S1PR3: variants seen among roughly 807,000 people sequenced by gnomAD.
S1PR3 encodes the protein sphingosine 1-phosphate receptor 3.
A neutral mutation model predicts 13.3 loss-of-function variants in S1PR3; 12 were observed. The ratio of observed to expected loss-of-function variants is 0.90; its 90% CI spans 0.58 to 1.46. The LOEUF (loss-of-function observed/expected upper bound fraction) is 1.46, where lower values mean the gene tolerates loss of function less well. S1PR3 is among the 40% of genes most tolerant of loss of function. The pLI is 0.00. For synonymous variants in S1PR3, 232 were observed against 214.0 expected, an observed-to-expected ratio of 1.08 and a Z score of -0.73; for missense variants, 450 against 501.9, an observed-to-expected ratio of 0.90 and a Z score of 0.99.
intron 1 of S1PR3, chr9:88,992,985 A>G (rs1020304033): frequency 2.6e-5 from 4 of 152,646 alleles, no homozygotes; most frequent in Non-Finnish European, 5.9e-5. Flanking sequence ...AACACCAGAG[A>G]TACAAACTGA....
Position 89,002,164 on chromosome 9 carries a change from G to A in S1PR3, c.964G>A (p.Gly322Arg), listed in dbSNP as rs375591389. 43 of 1,613,904 alleles carry A rather than the reference G, an allele frequency of 2.7e-5. No individual in the cohort carries two copies. In the African/African-American group the frequency reaches 5.3e-4, roughly 20 times the overall value. ...CTGCAACTGCCTGGTCAGGGGACGG[G>A]GGGCCCGCGCCTCACCCATCCAGCC... Reference protein sequence around the residue: ...LVCNCLVRGRGARASPIQPAL... With the variant: ...LVCNCLVRGRRARASPIQPAL... Residue 322 changes from glycine to arginine, a missense_variant, in exon 2 of 2, where the codon GGG becomes AGG. Transcript: ENST00000358157.
In S1PR3 at chr9:89,001,665, C is replaced by A. The variant is rs772423351; in HGVS notation, c.465C>A (p.Phe155Leu). 15 of 1,614,120 alleles carry A rather than the reference C, an allele frequency of 9.3e-6. No homozygotes were observed. The highest frequency in any genetic ancestry group is 1.3e-5 in the African/African-American group (1 of 74,950). The change falls in exon 2 of 2, where the codon TTC becomes TTA. Residue 155 changes from phenylalanine to leucine, a missense_variant. Physicochemically the swap from Phe to Leu is conservative, Grantham distance 22 (BLOSUM62 0). Transcript: ENST00000358157. ...PYDANKRHRV[F>L]LLIGMCWLIA... ...ACGCCAACAAGAGGCACCGCGTCTT[C>A]CTCCTGATCGGGATGTGCTGGCTCA...
chr9:88,997,271 T>C (rs939874296), intron 1 of S1PR3: 3 of 152,340 alleles, frequency 2.0e-5, no homozygotes, highest in Middle Eastern at 3.4e-3. Flanking sequence ...GCAAATCTTA[T>C]ACTATGTTTA....
rs1013136231 is a variant in S1PR3 at position 88,991,578 on chromosome 9, G to A, written c.-265G>A. 4 of 1,544,596 alleles carry A rather than the reference G, an allele frequency of 2.6e-6. No individual in the cohort carries two copies. The highest frequency in any genetic ancestry group is 2.6e-6 in the Non-Finnish European group (3 of 1,145,218). On this transcript the variant is annotated 5_prime_UTR_variant, in exon 1 of 2. Coordinates refer to ENST00000358157, the MANE Select transcript of S1PR3 (RefSeq NM_005226.4). The surrounding 1 kb of genome is among the most constrained non-coding windows in gnomAD (Gnocchi z 4.0). The stretch of plus-strand genomic sequence containing the variant: ...CAGGCCCGGGAACGACGTCGCGAGC[G>A]CTGAGACTGCCGGGCCTCCCAGCCC...
rs1825708409 is a variant in S1PR3, at chr9:88,991,624, A to ACCGGGCGCCCCGGCACCG, written c.-215_-198dup. On this transcript the variant is annotated 5_prime_UTR_variant, in exon 1 of 2. Transcript: ENST00000358157. The surrounding 1 kb of genome is among the most constrained non-coding windows in gnomAD (Gnocchi z 4.0). ...AGCCCATCTGGCATTCGAGCGCAGG[A>ACCGGGCGCCCCGGCACCG]CCGGGCGCCCCGGCACCGCCGCGCG... 3.9e-6 allele frequency: 6 copies of ACCGGGCGCCCCGGCACCG among 1,536,160 alleles called. No homozygotes were observed. Among genetic ancestry groups the ACCGGGCGCCCCGGCACCG allele is most frequent in the Non-Finnish European group, 3.5e-6 (4 of 1,141,966 alleles).
rs1288916267 is a variant in S1PR3 at position 88,991,779 on chromosome 9, C to G, written c.-148+84C>G. 6.3e-7 allele frequency: 1 copy of G among 1,583,242 alleles called. No homozygotes were observed. The highest frequency in any genetic ancestry group is 8.6e-7 in the Non-Finnish European group (1 of 1,164,486). On this transcript the variant is annotated intron_variant, in intron 1 of 1. Coordinates refer to ENST00000358157, the MANE Select transcript of S1PR3 (RefSeq NM_005226.4). This position sits in a 1 kb window ranked among gnomAD's most constrained non-coding sequence, Gnocchi z 4.0. ...CCCACCTTTCCAACAAAATCCCCACCGATCCCGGGCGCGACGGGGACTTGG... is the reference window on the plus strand; with the variant it reads ...CCCACCTTTCCAACAAAATCCCCACGGATCCCGGGCGCGACGGGGACTTGG...
chr9:88,999,429 T>C (rs554713179), intron 1 of S1PR3: 4 of 152,180 alleles, frequency 2.6e-5, no homozygotes, highest in African/African-American at 4.8e-5. Flanking sequence ...CAGAAACCAT[T>C]TGGAGCCACC....
At position 89,003,149 on chromosome 9, in the gene S1PR3, T is replaced by A. The variant is rs1038432838; in HGVS notation, c.*812T>A. ...TCACCCAGGAGCTTGTGCCCCCAGATGGGCCAAAGAAAGAGCCTATGAAGG... is the reference window on the plus strand; with the variant it reads ...TCACCCAGGAGCTTGTGCCCCCAGAAGGGCCAAAGAAAGAGCCTATGAAGG... On this transcript the variant is annotated 3_prime_UTR_variant, in exon 2 of 2. Coordinates refer to ENST00000358157, the MANE Select transcript of S1PR3 (RefSeq NM_005226.4). 6.0e-6 allele frequency: 1 copy of A among 167,062 alleles called. No homozygotes were observed. Among genetic ancestry groups the A allele is most frequent in the Non-Finnish European group, 1.5e-5 (1 of 68,108 alleles). The allele number at this position is 167,062 out of a possible 1,614,324, so 10.3% of individuals were successfully genotyped here. A position where few individuals can be genotyped will look rare whatever the true frequency, so the allele number is the denominator to read the frequency against.
At position 89,002,183 on chromosome 9, in the gene S1PR3, T is replaced by A; in HGVS notation, c.983T>A (p.Ile328Asn). The change falls in exon 2 of 2, where the codon ATC becomes AAC. Residue 328 changes from isoleucine to asparagine, a missense_variant. Coordinates refer to ENST00000358157, the MANE Select transcript of S1PR3 (RefSeq NM_005226.4). Reference sequence around the variant, plus strand: ...GGACGGGGGGCCCGCGCCTCACCCATCCAGCCTGCGCTCGACCCAAGCAGA... The same window carrying A: ...GGACGGGGGGCCCGCGCCTCACCCAACCAGCCTGCGCTCGACCCAAGCAGA... ...VRGRGARASP[I>N]QPALDPSRSK... The A allele has an allele frequency of 6.2e-7, 1 of 1,613,890 alleles. No individual in the cohort carries two copies. The highest frequency in any genetic ancestry group is 8.5e-7 in the Non-Finnish European group (1 of 1,180,006).
intron 1 of S1PR3, chr9:88,993,267 T>G (rs1230075435): frequency 6.5e-6 from 1 of 152,672 alleles, no homozygotes; most frequent in African/African-American, 2.4e-5. Context: ...GGTATCTCTT[T>G]CATCTTCCTC....
rs1049806075 is a variant in S1PR3 at position 88,991,590 on chromosome 9, G to C, written c.-253G>C. Reference sequence around the variant, plus strand: ...CGACGTCGCGAGCGCTGAGACTGCCGGGCCTCCCAGCCCATCTGGCATTCG... The same window carrying C: ...CGACGTCGCGAGCGCTGAGACTGCCCGGCCTCCCAGCCCATCTGGCATTCG... On this transcript the variant is annotated 5_prime_UTR_variant, in exon 1 of 2. Coordinates refer to ENST00000358157, the MANE Select transcript of S1PR3 (RefSeq NM_005226.4). The surrounding 1 kb of genome is among the most constrained non-coding windows in gnomAD (Gnocchi z 4.0). 1.3e-6 allele frequency: 2 copies of C among 1,544,110 alleles called. No homozygotes were observed. The highest frequency in any genetic ancestry group is 1.7e-6 in the Non-Finnish European group (2 of 1,145,064).
At position 89,001,237 on chromosome 9, in the gene S1PR3, C is replaced by A. The variant is rs760132180; in HGVS notation, c.37C>A (p.Arg13=). The A allele has an allele frequency of 6.2e-7, 1 of 1,613,760 alleles. No homozygotes were observed. The highest frequency in any genetic ancestry group is 1.1e-5 in the South Asian group (1 of 91,068). Reference sequence around the variant, plus strand: ...CCTCCCGCCGCGTCTCCAGCCGGTGCGGGGGAACGAGACCCTGCGGGAGCA... The same window carrying A: ...CCTCCCGCCGCGTCTCCAGCCGGTGAGGGGGAACGAGACCCTGCGGGAGCA... The part of the protein sequence containing the change: ...TALPPRLQPV[R]GNETLREHYQ... Residue 13 remains arginine, a synonymous_variant, in exon 2 of 2, where the codon CGG becomes AGG. Transcript: ENST00000358157.
Position 89,003,828 on chromosome 9 carries a change from T to C in S1PR3, c.*1491T>C, listed in dbSNP as rs182025303. ...TAGTCTTAACACATTACTAACTTTT[T>C]CTAAGAGAAATTGATTCCTGTTTTG... On this transcript the variant is annotated 3_prime_UTR_variant, in exon 2 of 2. Transcript: ENST00000358157. The C allele has an allele frequency of 1.2e-5, 2 of 166,588 alleles. No homozygotes were observed. Among genetic ancestry groups the C allele is most frequent in the Admixed American group, 1.3e-4 (2 of 15,306 alleles). 10.3% of individuals were successfully genotyped at this position (166,588 alleles called of 1,614,324 possible). A position where few individuals can be genotyped will look rare whatever the true frequency, so the allele number is the denominator to read the frequency against.
rs1302028381 is a variant in S1PR3 at position 89,002,073 on chromosome 9, C to T, written c.873C>T (p.Ser291=). 12 of 1,613,746 alleles carry T rather than the reference C, an allele frequency of 7.4e-6. No individual in the cohort carries two copies. The highest frequency in any genetic ancestry group is 3.3e-4 in the Middle Eastern group (2 of 6,084). ...TCATCGTGTTGGCTGTGCTCAACTC[C>T]GCCATGAACCCGGTCATCTACACGC... ...QWFIVLAVLN[S]AMNPVIYTLA... Residue 291 remains serine (S), a synonymous_variant, in exon 2 of 2, where the codon TCC becomes TCT. Transcript: ENST00000358157.
At chr9:88,993,179 T>C (rs1345807695) in intron 1 of S1PR3, 1 of 152,670 alleles carries the variant, frequency 6.6e-6, no homozygotes, top group Admixed American at 6.5e-5. Context: ...CTTCACATAG[T>C]GGCCGAAGGA....
At position 89,001,918 on chromosome 9, in the gene S1PR3, G is replaced by A; in HGVS notation, c.718G>A (p.Ala240Thr). ...ANHNNSERSM[A>T]LLRTVVIVVS... ...CCACAACAACTCGGAGCGGTCCATGGCACTGCTGCGGACCGTGGTGATTGT... is the reference window on the plus strand; with the variant it reads ...CCACAACAACTCGGAGCGGTCCATGACACTGCTGCGGACCGTGGTGATTGT... The change falls in exon 2 of 2, where the codon GCA becomes ACA. Residue 240 changes from alanine (A) to threonine (T), a missense_variant. Transcript: ENST00000358157. The A allele has an allele frequency of 1.2e-6, 2 of 1,614,228 alleles. No individual in the cohort carries two copies. The highest frequency in any genetic ancestry group is 1.7e-6 in the Non-Finnish European group (2 of 1,180,040).
At chr9:88,990,995 A>C (rs1483214274), upstream of S1PR3, 1 of 1,613,120 alleles carries the variant, frequency 6.2e-7, no homozygotes, top group Non-Finnish European at 8.5e-7. Context: ...TTACAAAAGA[A>C]ATGGTCAGGA....
intron 1 of S1PR3, chr9:88,993,291 T>C (rs904523964): frequency 1.3e-5 from 2 of 152,646 alleles, no homozygotes; most frequent in African/African-American, 4.8e-5. Context: ...GCCTGTGCTG[T>C]ATGTATATTT....
chr9:89,001,923 G>A lies in S1PR3; in HGVS notation c.723G>A (p.Leu241=), dbSNP rs749870895. 3.1e-6 allele frequency: 5 copies of A among 1,614,108 alleles called. No homozygotes were observed. Among genetic ancestry groups the A allele is most frequent in the Middle Eastern group, 1.6e-4 (1 of 6,084 alleles). The change falls in exon 2 of 2, where the codon CTG becomes CTA. Residue 241 remains leucine (L), a synonymous_variant. Coordinates refer to ENST00000358157, the MANE Select transcript of S1PR3 (RefSeq NM_005226.4). ...ACAACTCGGAGCGGTCCATGGCACT[G>A]CTGCGGACCGTGGTGATTGTGGTGA... ...NHNNSERSMA[L]LRTVVIVVSV... is the part of the protein sequence containing the mutation.
Sources: allele counts gnomAD v4.1 joint callset, GRCh38; gene constraint gnomAD v4.1.1; non-coding constraint Gnocchi (gnomAD v3.1); transcripts MANE v1.5; gene names NCBI Gene and HGNC (gene_info 2026-07-23, HGNC 2026-07-21).